RALYL: variants seen among roughly 807,000 people sequenced by gnomAD.
RALYL encodes the protein RALY RNA binding protein like, also known as RNA-binding Raly-like protein.
Under a neutral mutation model 35.1 loss-of-function variants are expected in RALYL, and 29 were observed. The ratio of observed to expected loss-of-function variants is 0.83; its 90% confidence interval spans 0.61 to 1.13. The LOEUF is 1.13. Among genes scored for constraint, RALYL ranks in the 50% most tolerant of loss-of-function variants. The probability of loss-of-function intolerance (pLI) is 0.00; values close to 1 mark genes in which losing one functional copy is unlikely to be tolerated. For synonymous variants in RALYL, 120 were observed against 127.6 expected (o/e 0.94, Z 0.40); for missense variants, 359 against 360.4 (o/e 1.00, Z 0.03).
intron 2 of RALYL, among the ~76,000 whole-genome samples, chr8:84,535,702 C>T (rs2059562180): frequency 6.6e-6 from 1 of 151,326 alleles, no homozygotes; most frequent in South Asian, 2.1e-4. Flanking sequence ...TCTTGATCTC[C>T]TGGCCTCGTG....
intron 6 of RALYL, among the ~76,000 whole-genome samples, chr8:84,871,642 G>C (rs746611054): frequency 3.7e-4 from 56 of 152,114 alleles, no homozygotes; most frequent in Non-Finnish European, 7.1e-4. Context: ...CATGAGGAGT[G>C]ATTCTCTATT....
At chr8:84,919,614 G>C (rs1385936808) in intron 8 of RALYL, among the ~76,000 whole-genome samples, 1 of 151,970 alleles carries the variant, frequency 6.6e-6, no homozygotes, top group East Asian at 1.9e-4. Flanking sequence ...AATTGGGTAA[G>C]GAGAAAGAGA....
intron 1 of RALYL, among the ~76,000 whole-genome samples, chr8:84,486,796 G>A (rs1185583823): frequency 6.6e-6 from 1 of 152,016 alleles, no homozygotes. Context: ...AATTAACTGA[G>A]TTTTTAAATG....
At chr8:84,363,660 A>G (rs1853578687) in intron 1 of RALYL, among the ~76,000 whole-genome samples, 2 of 152,144 alleles carry the variant, frequency 1.3e-5, no homozygotes, top group African/African-American at 4.8e-5. Context: ...TGCTTTGGCA[A>G]TTCTCAGAGA....
At chr8:84,851,406 G>A (rs1835837963) in intron 5 of RALYL, among the ~76,000 whole-genome samples, 1 of 152,074 alleles carries the variant, frequency 6.6e-6, no homozygotes, top group African/African-American at 2.4e-5. Flanking sequence ...CGGAGAACTG[G>A]TGTTATTTAA....
rs560152529 is a variant in RALYL at position 84,447,075 on chromosome 8, A to AT, written c.-23-82217dup. ...TCCACCCCAGGTCCCATCAGTCCACATTTTTTTGTCACAGGTCTGCTTTAG... is the reference window on the plus strand; with the variant it reads ...TCCACCCCAGGTCCCATCAGTCCACATTTTTTTTGTCACAGGTCTGCTTTAG... On this transcript the variant is annotated intron_variant, in intron 1 of 8. Coordinates refer to ENST00000521268, the MANE Select transcript of RALYL (RefSeq NM_173848.7). Among the ~76,000 whole-genome samples, 67 of 152,066 alleles carry AT rather than the reference A, an allele frequency of 4.4e-4. No individual in the cohort carries two copies. In the East Asian group the frequency reaches 0.012, roughly 28 times the overall value.
chr8:84,419,008 G>T lies in RALYL; in HGVS notation c.-23-110291G>T, dbSNP rs369570696. ...CTGCAGCCTAGTTCTCTCTTTAATAGAATTGTTTTACATCCCTCTCTTGTT... is the reference window on the plus strand; with the variant it reads ...CTGCAGCCTAGTTCTCTCTTTAATATAATTGTTTTACATCCCTCTCTTGTT... On this transcript the variant is annotated intron_variant, in intron 1 of 8. Transcript: ENST00000521268. 8.5e-5 allele frequency among the ~76,000 whole-genome samples: 13 copies of T among 152,096 alleles called. No homozygotes were observed. The East Asian group carries it at 9.7e-4, about 11-fold the overall frequency.
At chr8:84,533,806 C>T (rs1330066733) in intron 2 of RALYL, among the ~76,000 whole-genome samples, 2 of 152,120 alleles carry the variant, frequency 1.3e-5, no homozygotes, top group Non-Finnish European at 2.9e-5. Context: ...GGTGAATATA[C>T]TTAACTAGAT....
chr8:84,249,281 C>T (rs1384365651), intron 1 of RALYL, among the ~76,000 whole-genome samples: 1 of 152,022 alleles, frequency 6.6e-6, no homozygotes, highest in Admixed American at 6.6e-5. Context: ...TATAATTTCA[C>T]TGTATTTAGC....
chr8:84,521,783 A>G (rs1395262787), intron 1 of RALYL, among the ~76,000 whole-genome samples: 2 of 152,218 alleles, frequency 1.3e-5, no homozygotes, highest in African/African-American at 4.8e-5. Context: ...AATAACCAAT[A>G]AGAAATTATT....
At chr8:84,920,559 G>A (rs28405240) in intron 8 of RALYL, among the ~76,000 whole-genome samples, 5,039 of 151,992 alleles carry the variant, frequency 0.033, 276 homozygotes, top group African/African-American at 0.11. Context: ...AAAGATTCAC[G>A]AGTAATTGAA....
chr8:84,580,246 A>G (rs1810505984), intron 2 of RALYL, among the ~76,000 whole-genome samples: 1 of 152,186 alleles, frequency 6.6e-6, no homozygotes, highest in Admixed American at 6.5e-5. Context: ...TTTATTGTCT[A>G]TGTCTTAATC....
chr8:84,435,172 C>G (rs946617434), intron 1 of RALYL, among the ~76,000 whole-genome samples: 2 of 152,090 alleles, frequency 1.3e-5, no homozygotes, highest in African/African-American at 4.8e-5. Flanking sequence ...GTGGAGGATT[C>G]TGTGATTCTA....
chr8:84,651,013 T>C (rs1004757507), intron 2 of RALYL, among the ~76,000 whole-genome samples: 8 of 151,840 alleles, frequency 5.3e-5, no homozygotes, highest in African/African-American at 1.2e-4. Flanking sequence ...TAGGTGGGAA[T>C]TGAACAATGA....
chr8:84,634,518 T>C (rs1824609439), intron 2 of RALYL, among the ~76,000 whole-genome samples: 1 of 151,892 alleles, frequency 6.6e-6, no homozygotes, highest in Non-Finnish European at 1.5e-5. Flanking sequence ...TCAAAATACA[T>C]TTACTGTACT....
At chr8:84,512,490 A>G (rs2057704848) in intron 1 of RALYL, among the ~76,000 whole-genome samples, 2 of 151,474 alleles carry the variant, frequency 1.3e-5, no homozygotes, top group Non-Finnish European at 2.9e-5. Flanking sequence ...TTGTCTCCCC[A>G]CTCTGTTAAT....
chr8:84,737,771 A>G (rs1054468160), intron 2 of RALYL, among the ~76,000 whole-genome samples: 13 of 151,880 alleles, frequency 8.6e-5, no homozygotes, highest in Admixed American at 5.3e-4. Context: ...TTATGCTTTT[A>G]AAAAAAGAGG....
chr8:84,224,346 AG>A (rs996995798), intron 1 of RALYL, among the ~76,000 whole-genome samples: 11 of 152,198 alleles, frequency 7.2e-5, no homozygotes, highest in African/African-American at 2.7e-4. Context: ...GCATACCTTG[AG>A]GCTCACTAAG....
chr8:84,756,469 G>A (rs998670446), intron 2 of RALYL, among the ~76,000 whole-genome samples: 6 of 152,082 alleles, frequency 3.9e-5, no homozygotes, highest in Non-Finnish European at 7.4e-5. Context: ...ATTGAAAAAT[G>A]TTGATTTTGC....
Sources: allele counts gnomAD v4.1 joint callset (sites outside exome capture counted in the v4.1 genomes callset), GRCh38; gene constraint gnomAD v4.1.1; transcripts MANE v1.5; gene names NCBI Gene and HGNC (gene_info 2026-07-23, HGNC 2026-07-21).